Variants in GMDS observed in about 807,000 individuals in gnomAD.
GMDS encodes the protein GDP-mannose 4,6-dehydratase, also known as GDP-mannose 4,6 dehydratase.
In GMDS, 20 loss-of-function variants were observed where a neutral mutation model predicts 49.9. That is an observed-to-expected ratio of 0.40 (90% CI 0.28 to 0.58). The LOEUF (loss-of-function observed/expected upper bound fraction) is 0.58. Ranked by LOEUF, GMDS falls within the 20% of genes least tolerant of loss-of-function variation. The pLI is 0.42. For missense variants in GMDS, 362 were observed against 481.4 expected (o/e 0.75, Z 2.32); for synonymous variants, 177 against 178.6 (o/e 0.99, Z 0.07).
chr6:2,027,967 T>G (rs1209189706), intron 4 of GMDS, among the ~76,000 whole-genome samples: 1 of 152,146 alleles, frequency 6.6e-6, no homozygotes, highest in Non-Finnish European at 1.5e-5. Flanking sequence ...TTCTAGTGTC[T>G]ATAGTTCTTT....
chr6:1,662,694 G>A (rs1385680430), intron 9 of GMDS, among the ~76,000 whole-genome samples: 1 of 152,056 alleles, frequency 6.6e-6, no homozygotes, highest in Non-Finnish European at 1.5e-5. Context: ...GAGAGCCAAG[G>A]GAAATGCCTT....
chr6:1,730,601 CAG>C (rs1561763741), intron 8 of GMDS, among the ~76,000 whole-genome samples: 2 of 152,066 alleles, frequency 1.3e-5, no homozygotes, highest in Non-Finnish European at 2.9e-5. Flanking sequence ...ATGCTGAAGA[CAG>C]AGGAAATTAG....
intron 4 of GMDS, among the ~76,000 whole-genome samples, chr6:2,113,200 C>G (rs182720429): frequency 6.6e-6 from 1 of 152,254 alleles, no homozygotes; most frequent in Non-Finnish European, 1.5e-5. Flanking sequence ...GTCCCCTGGG[C>G]ACTGGAGCCC....
chr6:1,842,953 A>C (rs892612179), intron 7 of GMDS, among the ~76,000 whole-genome samples: 1 of 151,772 alleles, frequency 6.6e-6, no homozygotes, highest in Non-Finnish European at 1.5e-5. Context: ...CATTGCTACC[A>C]AAAATTAGCT....
intron 4 of GMDS, among the ~76,000 whole-genome samples, chr6:2,081,181 T>C (rs1026441185): frequency 7.9e-5 from 12 of 152,070 alleles, no homozygotes; most frequent in African/African-American, 2.7e-4. Flanking sequence ...GAAAAAGATA[T>C]GGTAAAATCA....
chr6:1,977,817 G>A (rs2127339443), intron 4 of GMDS, among the ~76,000 whole-genome samples: 1 of 152,324 alleles, frequency 6.6e-6, no homozygotes, highest in African/African-American at 2.4e-5. Flanking sequence ...ACAGAGCTGT[G>A]TGGAGTCTTG....
At chr6:1,895,304 C>T (rs1383432240) in intron 7 of GMDS, among the ~76,000 whole-genome samples, 1 of 152,162 alleles carries the variant, frequency 6.6e-6, no homozygotes, top group Non-Finnish European at 1.5e-5. Flanking sequence ...TTCTCCGCTG[C>T]ATTTTCTTTT....
chr6:1,704,879 GA>G (rs1765678272), intron 9 of GMDS, among the ~76,000 whole-genome samples: 1 of 152,034 alleles, frequency 6.6e-6, no homozygotes. Flanking sequence ...TGAGGGGTGT[GA>G]GGGTTCAAGT....
Position 2,168,204 on chromosome 6 carries a change from C to T in GMDS, c.103-43473G>A, listed in dbSNP as rs1260161135. Among the ~76,000 whole-genome samples, 3 of 152,186 alleles carry T rather than the reference C, an allele frequency of 2.0e-5. No individual in the cohort carries two copies. In the East Asian group the frequency reaches 5.8e-4, roughly 29 times the overall value. On this transcript the variant is annotated intron_variant, in intron 1 of 10. Transcript: ENST00000380815. ...CTCAGAAGGAAAGATGTGTTAGCAACAGTCATGCTCCAATTCTTTCCATTT... is the reference window on the plus strand; with the variant it reads ...CTCAGAAGGAAAGATGTGTTAGCAATAGTCATGCTCCAATTCTTTCCATTT...
intron 7 of GMDS, among the ~76,000 whole-genome samples, chr6:1,858,240 G>A (rs191778756): frequency 1.3e-5 from 2 of 152,212 alleles, no homozygotes; most frequent in East Asian, 3.9e-4. Context: ...GTGCTTAGAC[G>A]TTACCCCTCA....
chr6:1,669,845 G>A (rs1268844860), intron 9 of GMDS, among the ~76,000 whole-genome samples: 2 of 149,440 alleles, frequency 1.3e-5, no homozygotes, highest in African/African-American at 2.5e-5. Flanking sequence ...CCTGGGAGGC[G>A]GAGGTTGGAG....
intron 1 of GMDS, among the ~76,000 whole-genome samples, chr6:2,183,978 CAACAT>C (rs1173753984): frequency 1.3e-5 from 2 of 152,064 alleles, no homozygotes; most frequent in Non-Finnish European, 1.5e-5. Flanking sequence ...CATATATGCA[CAACAT>C]AACTTATATA....
chr6:1,675,852 C>CAAA (rs70989197), intron 9 of GMDS, among the ~76,000 whole-genome samples: 1 of 127,894 alleles, frequency 7.8e-6, no homozygotes. Context: ...GACTCTGTCT[C>CAAA]AAAAAAAAAA....
intron 7 of GMDS, among the ~76,000 whole-genome samples, chr6:1,816,256 T>C (rs1770668659): frequency 6.6e-6 from 1 of 152,236 alleles, no homozygotes; most frequent in African/African-American, 2.4e-5. Context: ...ATGGAAGATC[T>C]GCCATGTGCT....
At chr6:1,655,450 GT>G (rs1283166475) in intron 9 of GMDS, among the ~76,000 whole-genome samples, 1 of 147,724 alleles carries the variant, frequency 6.8e-6, no homozygotes. Context: ...ATTTACATTA[GT>G]TTTTTTCCTT....
At chr6:1,979,760 C>T (rs373334299) in intron 4 of GMDS, among the ~76,000 whole-genome samples, 2 of 151,870 alleles carry the variant, frequency 1.3e-5, no homozygotes, top group East Asian at 1.9e-4. Context: ...TCTCCAAGGT[C>T]GAAATAAAAG....
chr6:1,737,592 TAC>T (rs927576315), intron 8 of GMDS, among the ~76,000 whole-genome samples: 7 of 110,546 alleles, frequency 6.3e-5, no homozygotes, highest in South Asian at 3.0e-4. Flanking sequence ...TACACACACA[TAC>T]ACACACCACA....
At chr6:1,859,238 T>A (rs1319480406) in intron 7 of GMDS, among the ~76,000 whole-genome samples, 1 of 152,186 alleles carries the variant, frequency 6.6e-6, no homozygotes, top group Non-Finnish European at 1.5e-5. Context: ...ACCCTGGTGC[T>A]ACTTCGGCGC....
intron 1 of GMDS, among the ~76,000 whole-genome samples, chr6:2,200,335 A>G (rs1300869380): frequency 3.3e-5 from 5 of 152,008 alleles, no homozygotes; most frequent in African/African-American, 9.7e-5. Flanking sequence ...CACCACATGC[A>G]CATCCGAGAT....
Sources: allele counts gnomAD v4.1 joint callset (sites outside exome capture counted in the v4.1 genomes callset), GRCh38; gene constraint gnomAD v4.1.1; transcripts MANE v1.5; gene names NCBI Gene and HGNC (gene_info 2026-07-23, HGNC 2026-07-21).